ROBO2: variants seen among roughly 807,000 people sequenced by gnomAD.
ROBO2 encodes roundabout guidance receptor 2.
A neutral mutation model predicts 160.8 loss-of-function variants in ROBO2; 53 were observed. The observed-to-expected ratio is 0.33, with a 90% CI of 0.26 to 0.41. ROBO2 has a LOEUF of 0.41. ROBO2 is among the 10% of genes least tolerant of loss of function. The probability of loss-of-function intolerance (pLI) is 1.00; values close to 1 mark genes in which losing one functional copy is unlikely to be tolerated. For missense variants in ROBO2, 1,577 were observed against 1,722.4 expected (o/e 0.92, Z 1.49); for synonymous variants, 664 against 611.7 (o/e 1.09, Z -1.26).
At chr3:76,590,616 A>C (rs190210261) in intron 2 of ROBO2, among the ~76,000 whole-genome samples, 1 of 152,156 alleles carries the variant, frequency 6.6e-6, no homozygotes, top group African/African-American at 2.4e-5. Flanking sequence ...TGTTTGTAAA[A>C]ATCTGCTCAA....
intron 2 of ROBO2, chr3:76,434,021 G>A: frequency 8.5e-7 from 1 of 1,175,572 alleles, no homozygotes; most frequent in Admixed American, 1.7e-5. Flanking sequence ...GTTCATTATG[G>A]CTGACATGCA....
At chr3:76,353,073 A>T (rs183904643) in intron 2 of ROBO2, among the ~76,000 whole-genome samples, 2 of 152,160 alleles carry the variant, frequency 1.3e-5, no homozygotes, top group Non-Finnish European at 2.9e-5. Flanking sequence ...CGGACTTTGC[A>T]TTGTACACAT....
intron 2 of ROBO2, among the ~76,000 whole-genome samples, chr3:76,141,116 GCTCTCTCTCTCTCTCTCT>G (rs55829903): frequency 8.4e-4 from 14 of 16,680 alleles, no homozygotes; most frequent in Middle Eastern, 0.071. Context: ...GAGCTACCAT[GCTCTCTCTCTCTCTCTCT>G]CTCTCTCTCT....
chr3:76,019,789 C>T (rs1002754079), intron 2 of ROBO2, among the ~76,000 whole-genome samples: 1 of 150,804 alleles, frequency 6.6e-6, no homozygotes, highest in Non-Finnish European at 1.5e-5. Flanking sequence ...TGCATTATGG[C>T]CTCCCCACAT....
chr3:76,758,871 T>C (rs2061138906), intron 2 of ROBO2, among the ~76,000 whole-genome samples: 1 of 151,856 alleles, frequency 6.6e-6, no homozygotes, highest in Non-Finnish European at 1.5e-5. Flanking sequence ...TAAAAGAGAA[T>C]GGTATGTGTA....
chr3:77,018,741 C>G (rs2062437820), intron 2 of ROBO2, among the ~76,000 whole-genome samples: 1 of 152,150 alleles, frequency 6.6e-6, no homozygotes, highest in African/African-American at 2.4e-5. Context: ...CAAAAATGTT[C>G]ATTCCCAAGC....
intron 2 of ROBO2, among the ~76,000 whole-genome samples, chr3:76,384,439 A>G (rs1275816971): frequency 6.6e-6 from 1 of 152,206 alleles, no homozygotes; most frequent in East Asian, 1.9e-4. Context: ...GCAGAGAAAT[A>G]AACAAGGTTA....
intron 2 of ROBO2, among the ~76,000 whole-genome samples, chr3:77,010,905 C>A (rs1559840680): frequency 1.6e-5 from 2 of 128,578 alleles, no homozygotes; most frequent in South Asian, 3.0e-4. Context: ...TCTTCTCCTT[C>A]CTTTCTTCCT....
At chr3:76,667,487 C>T (rs929050034) in intron 2 of ROBO2, among the ~76,000 whole-genome samples, 4 of 152,018 alleles carry the variant, frequency 2.6e-5, no homozygotes, top group East Asian at 1.9e-4. Flanking sequence ...TTACTCTATA[C>T]GCAGTAGTGG....
intron 2 of ROBO2, among the ~76,000 whole-genome samples, chr3:76,771,253 A>G (rs2061889321): frequency 6.6e-6 from 1 of 151,282 alleles, no homozygotes; most frequent in Admixed American, 6.6e-5. Context: ...TGATCTTCTT[A>G]CATTGATTAC....
intron 2 of ROBO2, among the ~76,000 whole-genome samples, chr3:76,975,499 C>T (rs976743069): frequency 6.6e-6 from 1 of 152,036 alleles, no homozygotes; most frequent in Non-Finnish European, 1.5e-5. Context: ...AGGGAGACTG[C>T]GACTGTGTCT....
chr3:77,425,401 G>T (rs2078097032), intron 2 of ROBO2, among the ~76,000 whole-genome samples: 1 of 152,160 alleles, frequency 6.6e-6, no homozygotes, highest in Non-Finnish European at 1.5e-5. Context: ...TTGAGATGGT[G>T]TCCTCTTTTG....
intron 2 of ROBO2, among the ~76,000 whole-genome samples, chr3:76,550,541 C>G (rs925909296): frequency 6.6e-6 from 1 of 152,226 alleles, no homozygotes; most frequent in African/African-American, 2.4e-5. Flanking sequence ...GGAGCAGGAG[C>G]CCTGCCCCCT....
intron 23 of ROBO2, among the ~76,000 whole-genome samples, chr3:77,628,421 T>C (rs1321381944): frequency 7.0e-6 from 1 of 141,894 alleles, no homozygotes. Flanking sequence ...TCATTCATTA[T>C]CTTTTCTTCT....
chr3:76,929,342 C>T (rs1394220514), intron 2 of ROBO2, among the ~76,000 whole-genome samples: 3 of 152,038 alleles, frequency 2.0e-5, no homozygotes, highest in Non-Finnish European at 4.4e-5. Context: ...AAGGAGAAAC[C>T]CCATTCTAGT....
At position 77,407,082 on chromosome 3, in the gene ROBO2, T is replaced by C. The variant is rs536161111; in HGVS notation, c.389-70332T>C. 1.2e-3 allele frequency among the ~76,000 whole-genome samples: 183 copies of C among 152,278 alleles called. 1 individual carries two copies. Among genetic ancestry groups the C allele is most frequent in the Non-Finnish European group, 2.4e-3 (160 of 68,020 alleles). On this transcript the variant is annotated intron_variant, in intron 2 of 25. Coordinates refer to ENST00000461745, the Ensembl canonical transcript of ROBO2. ...CTCAAGCAAACCTGCTGCCTTGGCC[T>C]CCCAAAGTGCTGGAATTACAAGAGT...
intron 2 of ROBO2, among the ~76,000 whole-genome samples, chr3:76,382,881 C>G (rs990511553): frequency 6.6e-6 from 1 of 152,110 alleles, no homozygotes; most frequent in Admixed American, 6.5e-5. Flanking sequence ...GGTTCAGCTT[C>G]TCTTTGAGAC....
chr3:76,606,021 A>G (rs1352166344), intron 2 of ROBO2, among the ~76,000 whole-genome samples: 1 of 152,160 alleles, frequency 6.6e-6, no homozygotes, highest in Non-Finnish European at 1.5e-5. Context: ...CAACACAATC[A>G]TTTAACCACT....
intron 2 of ROBO2, among the ~76,000 whole-genome samples, chr3:77,468,902 G>A (rs575807625): frequency 3.3e-5 from 5 of 152,196 alleles, no homozygotes; most frequent in South Asian, 2.1e-4. Context: ...CTTGCACAGC[G>A]GCCCCCGGAT....
Sources: allele counts gnomAD v4.1 joint callset (sites outside exome capture counted in the v4.1 genomes callset), GRCh38; gene constraint gnomAD v4.1.1; transcripts MANE v1.5; gene names NCBI Gene and HGNC (gene_info 2026-07-23, HGNC 2026-07-21).